Variants in CMIP observed in about 807,000 individuals in gnomAD.
CMIP encodes c-Maf inducing protein.
In CMIP, 13 loss-of-function variants were observed where a neutral mutation model predicts 97.3. The ratio of observed to expected loss-of-function variants is 0.13; its 90% CI spans 0.09 to 0.21. The LOEUF is 0.21. Among genes scored for constraint, CMIP ranks in the 10% least tolerant of loss-of-function variants. The pLI is 1.00. For synonymous variants in CMIP, 538 were observed against 436.3 expected (o/e 1.23, Z -2.91); for missense variants, 847 against 1,024.9 (o/e 0.83, Z 2.37).
At chr16:81,489,970 T>C (rs2089380048) in intron 1 of CMIP, among the ~76,000 whole-genome samples, 2 of 152,204 alleles carry the variant, frequency 1.3e-5, no homozygotes, top group South Asian at 4.1e-4. Flanking sequence ...CCACCGGGAT[T>C]CTTGATATCT....
chr16:81,466,771 G>C (rs1412476235), intron 1 of CMIP, among the ~76,000 whole-genome samples: 1 of 152,186 alleles, frequency 6.6e-6, no homozygotes, highest in Non-Finnish European at 1.5e-5. Context: ...GGAGACTTGG[G>C]CTGAACCGAA....
chr16:81,449,273 A>C (rs1025211397), intron 1 of CMIP, among the ~76,000 whole-genome samples: 2 of 152,212 alleles, frequency 1.3e-5, no homozygotes, highest in Admixed American at 1.3e-4. Flanking sequence ...ATAATTCATC[A>C]GTGGCTTGTT....
At chr16:81,561,010 C>T (rs1176203669) in intron 1 of CMIP, among the ~76,000 whole-genome samples, 2 of 152,144 alleles carry the variant, frequency 1.3e-5, no homozygotes, top group South Asian at 2.1e-4. Context: ...GCTGGAGTGC[C>T]GTGGTGCAAT....
chr16:81,696,888 C>G (rs1198543417), intron 14 of CMIP: 1 of 584,526 alleles, frequency 1.7e-6, no homozygotes, highest in African/African-American at 1.9e-5. Context: ...CTTGGCTTTC[C>G]CAGTTGCACT....
chr16:81,543,077 A>C (rs927782459), intron 1 of CMIP, among the ~76,000 whole-genome samples: 15 of 152,044 alleles, frequency 9.9e-5, no homozygotes, highest in Admixed American at 7.2e-4. Context: ...GGAGCCCATG[A>C]GGTGGCAAGG....
chr16:81,706,771 G>A (rs1165965733), intron 19 of CMIP, among the ~76,000 whole-genome samples: 1 of 152,190 alleles, frequency 6.6e-6, no homozygotes, highest in Non-Finnish European at 1.5e-5. Flanking sequence ...GGGACCAGAA[G>A]GGAGGGAGGC....
At chr16:81,654,782 C>T (rs977792724) in intron 4 of CMIP, among the ~76,000 whole-genome samples, 3 of 152,236 alleles carry the variant, frequency 2.0e-5, no homozygotes, top group African/African-American at 4.8e-5. Context: ...CCAGGACCCT[C>T]GCCCGGGTCT....
intron 1 of CMIP, among the ~76,000 whole-genome samples, chr16:81,521,190 C>T (rs890078731): frequency 6.6e-6 from 1 of 152,220 alleles, no homozygotes; most frequent in African/African-American, 2.4e-5. Flanking sequence ...TGACTGTGGA[C>T]CATGGGACCC....
chr16:81,636,822 TG>T (rs1311776636), intron 3 of CMIP, among the ~76,000 whole-genome samples: 3 of 152,130 alleles, frequency 2.0e-5, no homozygotes, highest in African/African-American at 7.2e-5. Context: ...AGAAGACAGC[TG>T]TCACCAGCCG....
intron 1 of CMIP, among the ~76,000 whole-genome samples, chr16:81,555,601 G>C (rs9788914): frequency 0.5 from 75,355 of 152,138 alleles, 20,955 homozygotes; most frequent in Non-Finnish European, 0.62. Flanking sequence ...GGGGCCCGGA[G>C]AGATCTGAGA....
intron 3 of CMIP, among the ~76,000 whole-genome samples, chr16:81,647,149 C>T (rs1394553836): frequency 6.6e-6 from 1 of 152,190 alleles, no homozygotes. Flanking sequence ...TACAGCCATC[C>T]TCGTAGGACG....
At chr16:81,669,649 A>C (rs1202184270) in intron 7 of CMIP, among the ~76,000 whole-genome samples, 2 of 68,286 alleles carry the variant, frequency 2.9e-5, no homozygotes, top group African/African-American at 6.0e-5. Context: ...CACCCACCTC[A>C]CACCTTCCAC....
At chr16:81,556,283 G>A (rs1000257750) in intron 1 of CMIP, among the ~76,000 whole-genome samples, 7 of 152,142 alleles carry the variant, frequency 4.6e-5, no homozygotes, top group African/African-American at 1.4e-4. Flanking sequence ...AGGAGGTGGC[G>A]GCGGGCACTA....
At chr16:81,528,423 T>G (rs9931108) in intron 1 of CMIP, among the ~76,000 whole-genome samples, 8,109 of 152,166 alleles carry the variant, frequency 0.053, 250 homozygotes, top group Middle Eastern at 0.085. Flanking sequence ...CGGAGTGAGG[T>G]TGGGAGTACC....
At chr16:81,501,301 T>A (rs2089606384) in intron 1 of CMIP, among the ~76,000 whole-genome samples, 1 of 152,228 alleles carries the variant, frequency 6.6e-6, no homozygotes, top group African/African-American at 2.4e-5. Flanking sequence ...GGGCAGCAAA[T>A]GCCCGTCCTA....
chr16:81,702,615 G>T lies in CMIP; in HGVS notation c.1897-7G>T, dbSNP rs559953070. On this transcript the variant is annotated splice_polypyrimidine_tract_variant and splice_region_variant and intron_variant, in intron 16 of 20. Coordinates refer to ENST00000537098, the MANE Select transcript of CMIP (RefSeq NM_198390.3). ...AATGGTTGTAACCAGCCTGGTTTCTGTTGCAGCAAAGGAAAGGCGGGCCCA... is the reference window on the plus strand; with the variant it reads ...AATGGTTGTAACCAGCCTGGTTTCTTTTGCAGCAAAGGAAAGGCGGGCCCA... The T allele has an allele frequency of 6.2e-7, 1 of 1,613,168 alleles. No individual in the cohort carries two copies. The highest frequency in any genetic ancestry group is 2.2e-5 in the East Asian group (1 of 44,868).
intron 1 of CMIP, among the ~76,000 whole-genome samples, chr16:81,564,884 C>T (rs980582765): frequency 4.6e-5 from 7 of 151,858 alleles, no homozygotes; most frequent in South Asian, 2.1e-4. Context: ...GGAGAACATG[C>T]GGGGAAGAAG....
intron 1 of CMIP, among the ~76,000 whole-genome samples, chr16:81,567,324 C>A (rs2091000845): frequency 6.6e-6 from 1 of 152,240 alleles, no homozygotes; most frequent in Non-Finnish European, 1.5e-5. Context: ...GACACCGCTG[C>A]TACAGGGCGG....
At chr16:81,648,472 G>A (rs979670376) in intron 3 of CMIP, among the ~76,000 whole-genome samples, 1 of 152,234 alleles carries the variant, frequency 6.6e-6, no homozygotes, top group Admixed American at 6.5e-5. Flanking sequence ...TTTGGCCTGG[G>A]CACACGGCAG....
Sources: allele counts gnomAD v4.1 joint callset (sites outside exome capture counted in the v4.1 genomes callset), GRCh38; gene constraint gnomAD v4.1.1; transcripts MANE v1.5; gene names NCBI Gene and HGNC (gene_info 2026-07-23, HGNC 2026-07-21).